Variants in FLCN observed in about 807,000 individuals in gnomAD.
FLCN encodes BHD skin lesion fibrofolliculoma protein.
Under a neutral mutation model 62.5 loss-of-function variants are expected in FLCN, and 22 were observed. That is an observed-to-expected ratio of 0.35 (90% CI 0.25 to 0.50). The LOEUF is 0.50. Ranked by LOEUF, FLCN falls within the 20% of genes least tolerant of loss-of-function variation. The pLI, the probability that FLCN is intolerant of heterozygous loss-of-function variation, is 0.97. For synonymous variants in FLCN, 319 were observed against 310.0 expected, an observed-to-expected ratio of 1.03 and a Z score of -0.30; for missense variants, 657 against 778.0, an observed-to-expected ratio of 0.84 and a Z score of 1.85.
In FLCN at chr17:17,224,517, A is replaced by G. The variant is rs377145357; in HGVS notation, c.397-374T>C. On this transcript the variant is annotated intron_variant, in intron 5 of 13. Coordinates refer to ENST00000285071, the MANE Select transcript of FLCN (RefSeq NM_144997.7). Reference sequence around the variant, plus strand: ...GCCACTGCACTCTCCCTGCACTGAAATCCGCACATTTTATTCTTTCTTTCT... The same window carrying G: ...GCCACTGCACTCTCCCTGCACTGAAGTCCGCACATTTTATTCTTTCTTTCT... 74 of 387,026 alleles carry G rather than the reference A, an allele frequency of 1.9e-4. No individual in the cohort carries two copies. The highest frequency in any genetic ancestry group is 1.4e-3 in the African/African-American group (67 of 49,420). The allele number at this position is 387,026 out of a possible 1,614,324, so 24.0% of individuals were successfully genotyped here.
intron 8 of FLCN, 103 bp downstream of exon 8, chr17:17,221,434 G>A (rs1277318851): frequency 1.2e-6 from 2 of 1,613,976 alleles, no homozygotes; most frequent in African/African-American, 2.7e-5. Flanking sequence ...CTGATTCAGA[G>A]CCGCGTTTCC....
Position 17,221,350 on chromosome 17 carries a change from G to C in FLCN, c.871+187C>G, listed in dbSNP as rs371396942. 2.2e-4 allele frequency: 342 copies of C among 1,586,120 alleles called. No individual in the cohort carries two copies. In the Middle Eastern group the frequency reaches 4.3e-3, roughly 20 times the overall value. On this transcript the variant is annotated intron_variant, in intron 8 of 13. Transcript: ENST00000285071. The stretch of plus-strand genomic sequence containing the variant: ...CTTTCACATGGCGGTCAAGGCAAAC[G>C]AGACAGGAAATCACAACAATCACAA...
intron 13 of FLCN, among the ~76,000 whole-genome samples, chr17:17,214,068 G>A (rs907766923): frequency 1.4e-4 from 21 of 152,134 alleles, no homozygotes; most frequent in Non-Finnish European, 2.8e-4. Flanking sequence ...GGCTGGGCTC[G>A]GCCCTCTGTC....
chr17:17,232,519 AACAG>A (rs1567830996), intron 2 of FLCN, among the ~76,000 whole-genome samples: 1 of 152,196 alleles, frequency 6.6e-6, no homozygotes, highest in African/African-American at 2.4e-5. Context: ...ACAGGAACCA[AACAG>A]ACAGTTTCAA....
Position 17,215,128 on chromosome 17 carries a change from T to C in FLCN, c.1433-38A>G, listed in dbSNP as rs34235236. The C allele has an allele frequency of 0.26, 420,931 of 1,613,376 alleles. 58,500 individuals are homozygous for C. Among genetic ancestry groups the C allele is most frequent in the Non-Finnish European group, 0.28 (335,286 of 1,179,804 alleles). On this transcript the variant is annotated intron_variant, in intron 12 of 13. Transcript: ENST00000285071. ...GCAGGGGCAGAGCAAGGGCAGGCGT[T>C]AGCGCGGGGCGGGGGCATCTTCTCA...
At position 17,221,335 on chromosome 17, in the gene FLCN, G is replaced by A. The variant is rs1009403462; in HGVS notation, c.871+202C>T. The A allele has an allele frequency of 7.7e-6, 12 of 1,564,396 alleles. No homozygotes were observed. The African/African-American group carries it at 8.2e-5, about 11-fold the overall frequency. On this transcript the variant is annotated intron_variant, in intron 8 of 13. Transcript: ENST00000285071. ...GCTGGGGAACAGATTCTTTCACATG[G>A]CGGTCAAGGCAAACGAGACAGGAAA...
At position 17,215,324 on chromosome 17, in the gene FLCN, A is replaced by G. The variant is rs571192457; in HGVS notation, c.1301-8T>C. On this transcript the variant is annotated splice_region_variant and splice_polypyrimidine_tract_variant and intron_variant, in intron 11 of 13. Transcript: ENST00000285071. ...CCACGATGACAGCAAACTCTGTAAC[A>G]ACACAAGGCCCGTGGCTCCTCATCT... is the stretch of plus-strand genomic sequence containing the variant. The G allele has an allele frequency of 5.0e-6, 8 of 1,613,812 alleles. No homozygotes were observed. The East Asian group carries it at 6.7e-5, about 13-fold the overall frequency.
At position 17,216,438 on chromosome 17, in the gene FLCN, C is replaced by T. The variant is rs376836624; in HGVS notation, c.1242G>A (p.Arg414=). ...GCGGGCTGAGCCCCAGGAAGTTGCACCGATAGGCCTCCTCGTACTGGCTGC... is the reference window on the plus strand; with the variant it reads ...GCGGGCTGAGCCCCAGGAAGTTGCATCGATAGGCCTCCTCGTACTGGCTGC... ...PYSSQYEEAY[R]CNFLGLSPHV... The change falls in exon 11 of 14, where the codon CGG becomes CGA. Residue 414 remains arginine, a synonymous_variant. Coordinates refer to ENST00000285071, the MANE Select transcript of FLCN (RefSeq NM_144997.7). This position sits in a 1 kb window ranked among gnomAD's most constrained non-coding sequence, Gnocchi z 4.0. 1 of 1,613,878 alleles carries T rather than the reference C, an allele frequency of 6.2e-7. No individual in the cohort carries two copies. Among genetic ancestry groups the T allele is most frequent in the East Asian group, 2.2e-5 (1 of 44,866 alleles).
chr17:17,219,215 A>G lies in FLCN; in HGVS notation c.872-6T>C. ...TTCTGATTCCTCTTCTAAATCTGCA[A>G]GACAGATGACAAGGACAGTTACAGA... On this transcript the variant is annotated splice_region_variant and splice_polypyrimidine_tract_variant and intron_variant, in intron 8 of 13. Transcript: ENST00000285071. 1 of 1,613,652 alleles carries G rather than the reference A, an allele frequency of 6.2e-7. No individual in the cohort carries two copies. The highest frequency in any genetic ancestry group is 8.5e-7 in the Non-Finnish European group (1 of 1,180,008).
Position 17,216,988 on chromosome 17 carries a change from G to T in FLCN, c.1176+81C>A. The stretch of plus-strand genomic sequence containing the variant: ...AGCGGTTCTGTGCTGGGCAGTCGGT[G>T]CACCTTGGCATCCCCACCTGACGCC... On this transcript the variant is annotated intron_variant, in intron 10 of 13. Coordinates refer to ENST00000285071, the MANE Select transcript of FLCN (RefSeq NM_144997.7). The surrounding 1 kb of genome is among the most constrained non-coding windows in gnomAD (Gnocchi z 4.0). 9.7e-7 allele frequency: 1 copy of T among 1,034,646 alleles called. No homozygotes were observed. The highest frequency in any genetic ancestry group is 1.5e-6 in the Non-Finnish European group (1 of 661,150). 64.1% of individuals were successfully genotyped at this position (1,034,646 alleles called of 1,614,324 possible).
chr17:17,221,375 A>ACAATCACAC, intron 8 of FLCN, 162 bp downstream of exon 8: 6 of 1,608,254 alleles, frequency 3.7e-6, no homozygotes, highest in Non-Finnish European at 5.1e-6. Context: ...AACAATCACA[A>ACAATCACAC]CAATCACACC....
Position 17,216,527 on chromosome 17 carries a change from A to T in FLCN, c.1177-24T>A, listed in dbSNP as rs777831928. 1.9e-6 allele frequency: 3 copies of T among 1,613,298 alleles called. No individual in the cohort carries two copies. The highest frequency in any genetic ancestry group is 2.5e-6 in the Non-Finnish European group (3 of 1,179,828). ...GTCTGAGGAGGACAGCAGGACTCAG[A>T]CCAAGGACACGAGGAAGCCCTCAGC... On this transcript the variant is annotated intron_variant, in intron 10 of 13. Coordinates refer to ENST00000285071, the MANE Select transcript of FLCN (RefSeq NM_144997.7). The surrounding 1 kb of genome is among the most constrained non-coding windows in gnomAD (Gnocchi z 4.0).
Position 17,228,167 on chromosome 17 carries a change from T to C in FLCN, c.-24-6A>G, listed in dbSNP as rs776640058. 61 of 1,608,786 alleles carry C rather than the reference T, an allele frequency of 3.8e-5. No individual in the cohort carries two copies. The highest frequency in any genetic ancestry group is 4.7e-5 in the Non-Finnish European group (55 of 1,179,286). On this transcript the variant is annotated splice_polypyrimidine_tract_variant and splice_region_variant and intron_variant, in intron 3 of 13. Transcript: ENST00000285071. ...CCTTGGAGACTGCAACAGGCCTGCG[T>C]GGGACAGGGGACATGTCAGCTTGCC... is the stretch of plus-strand genomic sequence containing the variant.
chr17:17,233,452 A>C (rs1409119540), intron 1 of FLCN, among the ~76,000 whole-genome samples: 3 of 151,784 alleles, frequency 2.0e-5, no homozygotes, highest in South Asian at 4.2e-4. Flanking sequence ...AAAAAAAATC[A>C]GCCAGGCATG....
rs141283741 is a variant in FLCN at position 17,215,285 on chromosome 17, G to A, written c.1332C>T (p.Ala444=). 1.1e-4 allele frequency: 178 copies of A among 1,614,076 alleles called. No homozygotes were observed. The Admixed American group carries it at 2.2e-3, about 20-fold the overall frequency. The stretch of plus-strand genomic sequence containing the variant: ...CCACAGGGTGGAGGGTGGAACGTGC[G>A]GCTGCGTGGACCTCCACGATGACAG... The part of the protein sequence containing the change: ...EFAVIVEVHA[A]ARSTLHPVGC... The change falls in exon 12 of 14, where the codon GCC becomes GCT. Residue 444 remains alanine (A), a synonymous_variant. Coordinates refer to ENST00000285071, the MANE Select transcript of FLCN (RefSeq NM_144997.7).
chr17:17,230,498 C>T (rs1597624582), intron 3 of FLCN, among the ~76,000 whole-genome samples: 1 of 151,590 alleles, frequency 6.6e-6, no homozygotes, highest in African/African-American at 2.4e-5. Flanking sequence ...CCACGGCACT[C>T]GAGCCTGGGC....
In FLCN at chr17:17,217,112, C is replaced by CT; in HGVS notation, c.1132dup (p.Ser378LysfsTer12). 1 of 1,614,116 alleles carries CT rather than the reference C, an allele frequency of 6.2e-7. No individual in the cohort carries two copies. Among genetic ancestry groups the CT allele is most frequent in the Non-Finnish European group, 8.5e-7 (1 of 1,180,014 alleles). On this transcript the variant is annotated frameshift_variant, in exon 10 of 14. Coordinates refer to ENST00000285071, the MANE Select transcript of FLCN (RefSeq NM_144997.7). LOFTEE classifies it high-confidence loss of function. The stretch of plus-strand genomic sequence containing the variant: ...TGACTGGACGAGGTCCACGTCTCTG[C>CT]TTTTCCAGATCACCTGGTTCCCCAT...
In FLCN at chr17:17,236,999, G is replaced by A. The variant is rs986045823; in HGVS notation, c.-315C>T. 6.6e-6 allele frequency: 1 copy of A among 152,162 alleles called. No individual in the cohort carries two copies. The highest frequency in any genetic ancestry group is 1.5e-5 in the Non-Finnish European group (1 of 68,060). 9.4% of individuals were successfully genotyped at this position (152,162 alleles called of 1,614,324 possible). On this transcript the variant is annotated 5_prime_UTR_variant, in exon 1 of 14. Coordinates refer to ENST00000285071, the MANE Select transcript of FLCN (RefSeq NM_144997.7). Reference sequence around the variant, plus strand: ...CCCAGCCCCGCCCCTGACTGCGCTGGGTAGGTGGTCGCTGCGGGACCCGGA... The same window carrying A: ...CCCAGCCCCGCCCCTGACTGCGCTGAGTAGGTGGTCGCTGCGGGACCCGGA...
At chr17:17,233,323 C>T (rs1008472245) in intron 1 of FLCN, among the ~76,000 whole-genome samples, 1 of 151,960 alleles carries the variant, frequency 6.6e-6, no homozygotes, top group Non-Finnish European at 1.5e-5. Context: ...CCAGGCCGGG[C>T]GCGGTGGCTC....
Sources: allele counts gnomAD v4.1 joint callset (sites outside exome capture counted in the v4.1 genomes callset), GRCh38; gene constraint gnomAD v4.1.1; non-coding constraint Gnocchi (gnomAD v3.1); transcripts MANE v1.5; gene names NCBI Gene and HGNC (gene_info 2026-07-23, HGNC 2026-07-21).